Variants in PIP5K1C observed in about 807,000 individuals in gnomAD.
PIP5K1C encodes phosphatidylinositol 4-phosphate 5-kinase type-1 gamma.
In PIP5K1C, 45 loss-of-function variants were observed where a neutral mutation model predicts 80.1. That is an observed-to-expected ratio of 0.56 (90% CI 0.44 to 0.72). The LOEUF is 0.72. Among genes scored for constraint, PIP5K1C ranks in the 30% least tolerant of loss-of-function variants. The pLI is 0.00. For synonymous variants in PIP5K1C, 498 were observed against 420.1 expected, an observed-to-expected ratio of 1.19 and a Z score of -2.27; for missense variants, 753 against 954.6, an observed-to-expected ratio of 0.79 and a Z score of 2.78.
In PIP5K1C at chr19:3,633,439, T is replaced by C. The variant is rs574992169; in HGVS notation, c.2002A>G (p.Thr668Ala). The change falls in exon 17 of 18, where the codon ACA becomes GCA. Residue 668 changes from threonine (T) to alanine (A), a missense_variant and splice_region_variant. Around this residue, in one of 6 missense-constraint regions of PIP5K1C, gnomAD observed 315 missense variants for 294.5 expected, o/e 1.07. Transcript: ENST00000335312. ...GGGTGCACCTGGGCTGCACTTACTG[T>C]GTCGCTCTCGCCGTCGGAGGCCGGG... Reference protein sequence around the residue: ...APPASDGESDT With the variant: ...APPASDGESDA 1.2e-5 allele frequency: 18 copies of C among 1,494,886 alleles called. No homozygotes were observed. The South Asian group carries it at 2.2e-4, about 19-fold the overall frequency. The allele number at this position is 1,494,886 out of a possible 1,614,324, so 92.6% of individuals were successfully genotyped here. A position where few individuals can be genotyped will look rare whatever the true frequency, so the allele number is the denominator to read the frequency against.
At chr19:3,650,502 G>T (rs1380368802) in intron 8 of PIP5K1C, among the ~76,000 whole-genome samples, 4 of 152,248 alleles carry the variant, frequency 2.6e-5, no homozygotes, top group Non-Finnish European at 4.4e-5. Context: ...GGGTGCTCCT[G>T]GCCCGGAGTG....
chr19:3,646,071 T>TG lies in PIP5K1C; in HGVS notation c.1261-14dup, dbSNP rs757800052. 668 of 1,308,896 alleles carry TG rather than the reference T, an allele frequency of 5.1e-4. No homozygotes were observed. The highest frequency in any genetic ancestry group is 5.2e-4 in the Admixed American group (27 of 51,590). The allele number at this position is 1,308,896 out of a possible 1,614,324, so 81.1% of individuals were successfully genotyped here. On this transcript the variant is annotated splice_polypyrimidine_tract_variant and intron_variant, in intron 10 of 17. Transcript: ENST00000335312. ...CGGACACCGTGTCCTGGAAGAGAGT[T>TG]GGGGGGGGTGCCCGGGGGCAGAGGG...
Position 3,662,013 on chromosome 19 carries a change from C to A in PIP5K1C, c.220-12G>T. 1 of 1,581,676 alleles carries A rather than the reference C, an allele frequency of 6.3e-7. No homozygotes were observed. Among genetic ancestry groups the A allele is most frequent in the Admixed American group, 1.8e-5 (1 of 54,940 alleles). ...GTGGAGGAGGTGGTCTGCAGGGAGA[C>A]CAGAGTGTCAGGGCCCCCGGCTGCT... is the stretch of plus-strand genomic sequence containing the variant. On this transcript the variant is annotated splice_polypyrimidine_tract_variant and intron_variant, in intron 3 of 17. Transcript: ENST00000335312.
chr19:3,662,447 G>A (rs1055098385), intron 3 of PIP5K1C, among the ~76,000 whole-genome samples: 6 of 152,202 alleles, frequency 3.9e-5, no homozygotes, highest in Non-Finnish European at 7.3e-5. Flanking sequence ...TGTAACGCAC[G>A]TGGTCACACT....
chr19:3,646,258 T>A (rs1411580870), intron 10 of PIP5K1C, among the ~76,000 whole-genome samples, 200 bp from the exon 11 acceptor site: 3 of 152,062 alleles, frequency 2.0e-5, no homozygotes, highest in African/African-American at 7.2e-5. Context: ...GGAGACTGGG[T>A]GCCAGGGAAT....
Position 3,656,552 on chromosome 19 carries a change from G to C in PIP5K1C, c.474C>G (p.Ser158=), listed in dbSNP as rs1286496064. ...FGIRPDDYLY[S]LCNEPLIELS... is the part of the protein sequence containing the mutation. ...GCTCGATCAGCGGCTCATTGCACAG[G>C]GAGTACTGGAAGCAGAGGAGGCGGG... Residue 158 remains serine (S), a synonymous_variant, in exon 6 of 18, where the codon TCC becomes TCG. Transcript: ENST00000335312. The C allele has an allele frequency of 1.2e-6, 2 of 1,613,452 alleles. No homozygotes were observed. Among genetic ancestry groups the C allele is most frequent in the Non-Finnish European group, 1.7e-6 (2 of 1,179,938 alleles).
intron 1 of PIP5K1C, among the ~76,000 whole-genome samples, chr19:3,689,926 T>C (rs1470448624): frequency 6.6e-6 from 1 of 152,168 alleles, no homozygotes; most frequent in East Asian, 1.9e-4. Context: ...GTCTTCACTG[T>C]AGCATTCTTG....
At chr19:3,651,489 T>C (rs1310353321) in intron 8 of PIP5K1C, among the ~76,000 whole-genome samples, 3 of 152,210 alleles carry the variant, frequency 2.0e-5, no homozygotes, top group African/African-American at 4.8e-5. Flanking sequence ...GGCCCCTCTC[T>C]GCACGGGTGG....
At chr19:3,646,421 C>T (rs536036808) in intron 10 of PIP5K1C, among the ~76,000 whole-genome samples, 2 of 152,302 alleles carry the variant, frequency 1.3e-5, no homozygotes, top group South Asian at 2.1e-4. Context: ...GATGTGATCT[C>T]GGCCTCCCAG....
At position 3,644,181 on chromosome 19, in the gene PIP5K1C, G is replaced by A. The variant is rs149493037; in HGVS notation, c.1416C>T (p.Thr472=). Reference sequence around the variant, plus strand: ...GGATCTGGCTGGCCGAGAAGGCAGCGGTGGGCCCCAGCGGTTTCACAGCTA... The same window carrying A: ...GGATCTGGCTGGCCGAGAAGGCAGCAGTGGGCCCCAGCGGTTTCACAGCTA... ...ALLAVKPLGP[T]AAFSASQIPS... is the part of the protein sequence containing the mutation. The change falls in exon 12 of 18, where the codon ACC becomes ACT. Residue 472 remains threonine (T), a synonymous_variant. Transcript: ENST00000335312. 1.3e-3 allele frequency: 2,117 copies of A among 1,612,362 alleles called. 8 individuals carry two copies. The highest frequency in any genetic ancestry group is 1.0e-3 in the Non-Finnish European group (1,226 of 1,179,878).
At chr19:3,655,296 T>C (rs1185472064) in intron 6 of PIP5K1C, among the ~76,000 whole-genome samples, 1 of 141,448 alleles carries the variant, frequency 7.1e-6, no homozygotes, top group East Asian at 2.2e-4. Context: ...CGGGCGCCTG[T>C]AGTCCCAGCT....
chr19:3,695,627 G>A (rs1377698758), intron 1 of PIP5K1C, among the ~76,000 whole-genome samples: 8 of 152,174 alleles, frequency 5.3e-5, no homozygotes, highest in African/African-American at 9.7e-5. Context: ...CCCGGGAGGC[G>A]GCCAGGGCGG....
intron 1 of PIP5K1C, among the ~76,000 whole-genome samples, chr19:3,674,571 C>T (rs1045525920): frequency 6.0e-5 from 9 of 150,046 alleles, no homozygotes; most frequent in African/African-American, 1.5e-4. Flanking sequence ...CTGCAGATCT[C>T]GGCTCACTAC....
chr19:3,637,249 C>T lies in PIP5K1C; in HGVS notation c.1920+1635G>A, dbSNP rs757063705. The T allele has an allele frequency of 2.9e-5, 42 of 1,452,766 alleles. No individual in the cohort carries two copies. The African/African-American group carries it at 4.8e-4, about 17-fold the overall frequency. 90.0% of individuals were successfully genotyped at this position (1,452,766 alleles called of 1,614,324 possible). A position where few individuals can be genotyped will look rare whatever the true frequency, so the allele number is the denominator to read the frequency against. On this transcript the variant is annotated intron_variant, in intron 16 of 17. Coordinates refer to ENST00000335312, the MANE Select transcript of PIP5K1C (RefSeq NM_012398.3). This position sits in a 1 kb window ranked among gnomAD's most constrained non-coding sequence, Gnocchi z 7.0. ...AGAGAGGGGCTCGCTGGGGTCTGGCCGGGGTCCGAAGCAGACCCTGGGCCT... is the reference window on the plus strand; with the variant it reads ...AGAGAGGGGCTCGCTGGGGTCTGGCTGGGGTCCGAAGCAGACCCTGGGCCT...
Position 3,633,188 on chromosome 19 carries a change from AG to A in PIP5K1C, c.2005-20del. ...GAAATTACTGCAAGAGCAAGAGGAC[AG>A]GTGAAGGTGGGCGGGGCGAGGGCCC... On this transcript the variant is annotated intron_variant, in intron 17 of 17. Transcript: ENST00000335312. 1 of 755,626 alleles carries A rather than the reference AG, an allele frequency of 1.3e-6. No individual in the cohort carries two copies. 46.8% of individuals were successfully genotyped at this position (755,626 alleles called of 1,614,324 possible).
chr19:3,699,483 G>T (rs1407007944), intron 1 of PIP5K1C, among the ~76,000 whole-genome samples: 1 of 152,224 alleles, frequency 6.6e-6, no homozygotes, highest in African/African-American at 2.4e-5. Context: ...GAGGACGGAT[G>T]CCCGTGTGGG....
At chr19:3,658,744 G>A (rs547372231) in intron 5 of PIP5K1C, among the ~76,000 whole-genome samples, 1 of 152,216 alleles carries the variant, frequency 6.6e-6, no homozygotes, top group Non-Finnish European at 1.5e-5. Context: ...AAACACTGTG[G>A]AAAGGGCACG....
rs1363004527 is a variant in PIP5K1C, at chr19:3,692,135, T to C, written c.94+8162A>G. ...GCCGGCTCTGAGCCTTTTGTGTGCATTGACTCATCTAATCCTCAAGGGACA... is the reference window on the plus strand; with the variant it reads ...GCCGGCTCTGAGCCTTTTGTGTGCACTGACTCATCTAATCCTCAAGGGACA... On this transcript the variant is annotated intron_variant, in intron 1 of 17. Coordinates refer to ENST00000335312, the MANE Select transcript of PIP5K1C (RefSeq NM_012398.3). The surrounding 1 kb of genome is among the most constrained non-coding windows in gnomAD (Gnocchi z 5.2). Among the ~76,000 whole-genome samples the C allele has an allele frequency of 2.6e-5, 4 of 152,198 alleles. No homozygotes were observed. Among genetic ancestry groups the C allele is most frequent in the Non-Finnish European group, 2.9e-5 (2 of 68,024 alleles).
intron 1 of PIP5K1C, among the ~76,000 whole-genome samples, chr19:3,676,800 G>A (rs2035373579): frequency 6.6e-6 from 1 of 152,230 alleles, no homozygotes; most frequent in Admixed American, 6.5e-5. Context: ...GAGAGAAAGG[G>A]AGACTGCTTT....
Sources: gnomAD v4.1 joint callset for allele counts (sites outside exome capture counted in the v4.1 genomes callset) on GRCh38, gnomAD v4.1.1 for gene constraint, gnomAD v4.1.1 regional missense constraint, Gnocchi (gnomAD v3.1) non-coding constraint, MANE v1.5 for transcripts, NCBI Gene and HGNC (gene_info 2026-07-23, HGNC 2026-07-21) for gene names.